B3GALNT2: variants seen among roughly 807,000 people sequenced by gnomAD.
B3GALNT2 encodes UDP-GalNAc:beta-1,3-N-acetylgalactosaminyltransferase 2.
A neutral mutation model predicts 61.1 loss-of-function variants in B3GALNT2; 53 were observed. The ratio of observed to expected loss-of-function variants is 0.87; its 90% CI spans 0.70 to 1.09. B3GALNT2 has a LOEUF of 1.09. B3GALNT2 is among the 50% of genes least tolerant of loss of function. The probability of loss-of-function intolerance (pLI) is 0.00; values close to 1 mark genes in which losing one functional copy is unlikely to be tolerated. For synonymous variants in B3GALNT2, 223 were observed against 237.4 expected, an observed-to-expected ratio of 0.94 and a Z score of 0.56; for missense variants, 544 against 623.0, an observed-to-expected ratio of 0.87 and a Z score of 1.35.
In B3GALNT2 at chr1:235,455,612, T is replaced by C. The variant is rs1350130561; in HGVS notation, c.1098A>G (p.Val366=). The part of the protein sequence containing the change: ...DDDCYIDLEA[V]FNRIVQKNLD... ...GATTCTTTTGGACAATCCTATTAAA[T>C]ACAGCTTCGAGGTCTATGTAACAGT... The change falls in exon 9 of 12, where the codon GTA becomes GTG. Residue 366 remains valine, a synonymous_variant. Transcript: ENST00000366600. 2 of 1,608,132 alleles carry C rather than the reference T, an allele frequency of 1.2e-6. No individual in the cohort carries two copies. Among genetic ancestry groups the C allele is most frequent in the Admixed American group, 1.7e-5 (1 of 59,998 alleles).
intron 5 of B3GALNT2, among the ~76,000 whole-genome samples, chr1:235,474,119 T>C (rs1373155782): frequency 6.6e-6 from 1 of 152,240 alleles, no homozygotes; most frequent in Non-Finnish European, 1.5e-5. Flanking sequence ...CTCCTAAACC[T>C]GTTTCTGCTC....
chr1:235,451,488 A>AAAAG (rs1553342378), intron 11 of B3GALNT2: 5 of 151,874 alleles, frequency 3.3e-5, no homozygotes, highest in African/African-American at 1.2e-4. Flanking sequence ...AAAAAAAAAA[A>AAAAG]AAAAGACCGC....
the B3GALNT2 span, among the ~76,000 whole-genome samples, chr1:235,440,654 A>G: frequency 7.2e-5 from 11 of 152,118 alleles, no homozygotes; most frequent in Middle Eastern, 6.8e-3. Flanking sequence ...TCAGCCTCCC[A>G]AAGTGCTGGG....
chr1:235,483,227 A>G (rs1684638225), intron 4 of B3GALNT2, among the ~76,000 whole-genome samples: 1 of 152,196 alleles, frequency 6.6e-6, no homozygotes, highest in Non-Finnish European at 1.5e-5. Flanking sequence ...AGAAAAGAGA[A>G]AAAACACTGA....
chr1:235,462,550 T>C (rs1683484190), intron 7 of B3GALNT2, among the ~76,000 whole-genome samples: 1 of 152,128 alleles, frequency 6.6e-6, no homozygotes, highest in Non-Finnish European at 1.5e-5. Flanking sequence ...ACAAAAACAA[T>C]CTGTATGTCT....
chr1:235,450,079 A>G lies in B3GALNT2; in HGVS notation c.*127T>C. The stretch of plus-strand genomic sequence containing the variant: ...AGAAACACCGCATTGGTTCTGGGTG[A>G]AAGTGCCAGTCTGGAACTCTCTTGA... On this transcript the variant is annotated 3_prime_UTR_variant, in exon 12 of 12. Transcript: ENST00000366600. 8.6e-7 allele frequency: 1 copy of G among 1,167,066 alleles called. No homozygotes were observed. Among genetic ancestry groups the G allele is most frequent in the Non-Finnish European group, 1.2e-6 (1 of 821,432 alleles). The allele number at this position is 1,167,066 out of a possible 1,614,324, so 72.3% of individuals were successfully genotyped here. A position where few individuals can be genotyped will look rare whatever the true frequency, so the allele number is the denominator to read the frequency against.
chr1:235,501,418 C>T (rs1685576792), intron 1 of B3GALNT2, among the ~76,000 whole-genome samples: 2 of 152,360 alleles, frequency 1.3e-5, no homozygotes, highest in Middle Eastern at 6.8e-3. Flanking sequence ...GAATGGACTT[C>T]CCTGACCTAT....
intron 7 of B3GALNT2, 130 bp downstream of exon 7, chr1:235,465,505 CT>C (rs1412745818): frequency 7.2e-7 from 1 of 1,390,664 alleles, no homozygotes; most frequent in Non-Finnish European, 9.6e-7. Context: ...CACTGAACCA[CT>C]TTAAAAGGGT....
At position 235,504,329 on chromosome 1, in the gene B3GALNT2, G is replaced by A; in HGVS notation, c.-77C>T. 7.0e-7 allele frequency: 1 copy of A among 1,422,332 alleles called. No individual in the cohort carries two copies. The highest frequency in any genetic ancestry group is 1.5e-5 in the African/African-American group (1 of 66,594). 88.1% of individuals were successfully genotyped at this position (1,422,332 alleles called of 1,614,324 possible). ...GGGACCTGCAAGTGCGGAGACTGAG[G>A]GGCGGCGGCTGACGAGCGACCACTC... On this transcript the variant is annotated 5_prime_UTR_variant, in exon 1 of 12. Coordinates refer to ENST00000366600, the MANE Select transcript of B3GALNT2 (RefSeq NM_152490.5).
intron 5 of B3GALNT2, 196 bp downstream of exon 5, chr1:235,479,858 C>G: frequency 1.1e-6 from 1 of 880,282 alleles, no homozygotes; most frequent in South Asian, 3.0e-5. Flanking sequence ...TTTGGAACCT[C>G]TGAGGCCTCA....
intron 6 of B3GALNT2, among the ~76,000 whole-genome samples, chr1:235,469,053 A>C (rs889225701): frequency 3.3e-5 from 5 of 152,158 alleles, no homozygotes; most frequent in Non-Finnish European, 5.9e-5. Context: ...ACAAATCTAA[A>C]TGTATAACTA....
At chr1:235,491,816 C>G (rs1572552581) in intron 2 of B3GALNT2, among the ~76,000 whole-genome samples, 1 of 152,084 alleles carries the variant, frequency 6.6e-6, no homozygotes, top group South Asian at 2.1e-4. Flanking sequence ...ATGCTTCCCC[C>G]CTCTTTTCTT....
Position 235,489,169 on chromosome 1 carries a change from T to C in B3GALNT2, c.360A>G (p.Pro120=). ...YSCKLLNITN[P]VLNQEIEAFS... is the part of the protein sequence containing the mutation. ...CAGTCAAGGGAAAAGATGACTTACC[T>C]GGATTTGTGATGTTGAGTAGTTTAC... Residue 120 remains proline (P), a splice_region_variant and synonymous_variant, in exon 3 of 12, where the codon CCA becomes CCG. Transcript: ENST00000366600. 6.2e-7 allele frequency: 1 copy of C among 1,613,536 alleles called. No individual in the cohort carries two copies.
intron 5 of B3GALNT2, among the ~76,000 whole-genome samples, chr1:235,476,912 C>G (rs1325701936): frequency 6.6e-6 from 1 of 151,258 alleles, no homozygotes; most frequent in Non-Finnish European, 1.5e-5. Context: ...GTAGTCCCAG[C>G]TACTCATGAG....
chr1:235,463,925 A>T (rs1683556089), intron 7 of B3GALNT2: 1 of 152,208 alleles, frequency 6.6e-6, no homozygotes, highest in Non-Finnish European at 1.5e-5. Context: ...TACTGGTTAA[A>T]GACGCAGACA....
chr1:235,503,162 A>C (rs78020993), intron 1 of B3GALNT2, among the ~76,000 whole-genome samples: 6 of 152,254 alleles, frequency 3.9e-5, no homozygotes, highest in African/African-American at 1.4e-4. Flanking sequence ...TCTAATTTTA[A>C]GAACTTTTGG....
intron 8 of B3GALNT2, among the ~76,000 whole-genome samples, chr1:235,457,911 TTTTC>T (rs1438838009): frequency 2.0e-5 from 3 of 151,514 alleles, no homozygotes; most frequent in African/African-American, 7.3e-5. Context: ...TTTTTTTTTT[TTTTC>T]TTTTTTTTTG....
At chr1:235,442,978 A>AT (rs1681997922), downstream of B3GALNT2, 1 of 1,519,156 alleles carries the variant, frequency 6.6e-7, no homozygotes, top group African/African-American at 1.4e-5. Flanking sequence ...GTCAGCTAAA[A>AT]TTAAAACCTT....
chr1:235,462,651 T>C (rs1012413634), intron 7 of B3GALNT2, among the ~76,000 whole-genome samples: 6 of 152,188 alleles, frequency 3.9e-5, no homozygotes, highest in African/African-American at 1.4e-4. Context: ...ATTTAATAAT[T>C]TAACAAAAGA....
Sources: allele counts gnomAD v4.1 joint callset (sites outside exome capture counted in the v4.1 genomes callset), GRCh38; gene constraint gnomAD v4.1.1; transcripts MANE v1.5; gene names NCBI Gene and HGNC (gene_info 2026-07-23, HGNC 2026-07-21).